Variants in NAV3 observed in about 807,000 individuals in gnomAD.
The protein encoded by NAV3 is pore membrane and/or filament interacting like protein 1.
NAV3 carries 87 observed loss-of-function variants against 244.7 expected under a neutral mutation model. That is an observed-to-expected ratio of 0.36 (90% CI 0.30 to 0.42). NAV3 has a LOEUF of 0.42. Ranked by LOEUF, NAV3 falls within the 20% of genes least tolerant of loss-of-function variation. The pLI is 1.00. For missense variants in NAV3, 2,663 were observed against 2,893.3 expected, an observed-to-expected ratio of 0.92 and a Z score of 1.83; for synonymous variants, 1,126 against 1,042.2, an observed-to-expected ratio of 1.08 and a Z score of -1.55.
At chr12:78,095,916 G>C (rs17224126) in intron 12 of NAV3, among the ~76,000 whole-genome samples, 19,511 of 152,176 alleles carry the variant, frequency 0.13, 1,279 homozygotes, top group African/African-American at 0.14. Flanking sequence ...TCATGGAACT[G>C]TATAAAGGCA....
At chr12:77,998,916 CT>C (rs1464708842) in intron 7 of NAV3, among the ~76,000 whole-genome samples, 10 of 152,202 alleles carry the variant, frequency 6.6e-5, no homozygotes, top group African/African-American at 2.2e-4. Context: ...AGGTTTTTAT[CT>C]TTGCAAGCAG....
At chr12:77,747,643 T>A (rs908853473) in intron 2 of NAV3, among the ~76,000 whole-genome samples, 10 of 152,124 alleles carry the variant, frequency 6.6e-5, no homozygotes, top group African/African-American at 2.2e-4. Flanking sequence ...CAAATGTCCA[T>A]CAATGATAGA....
chr12:78,151,065 A>G (rs2139269810), intron 22 of NAV3, among the ~76,000 whole-genome samples: 1 of 151,694 alleles, frequency 6.6e-6, no homozygotes, highest in East Asian at 1.9e-4. Flanking sequence ...CAATCATTTA[A>G]AAAAAAATAA....
intron 24 of NAV3, among the ~76,000 whole-genome samples, chr12:78,169,590 T>G (rs439000): frequency 0.046 from 6,928 of 151,792 alleles, 190 homozygotes; most frequent in Non-Finnish European, 0.071. Context: ...GCTTAAAAAA[T>G]CCTGTCCTAA....
intron 2 of NAV3, among the ~76,000 whole-genome samples, chr12:77,756,472 A>G (rs1018113956): frequency 1.3e-5 from 2 of 152,120 alleles, no homozygotes; most frequent in Non-Finnish European, 2.9e-5. Flanking sequence ...GTGCTTGGAA[A>G]TGTCTAGATT....
At chr12:77,709,960 C>T (rs953927269) in intron 2 of NAV3, among the ~76,000 whole-genome samples, 9 of 152,154 alleles carry the variant, frequency 5.9e-5, no homozygotes, top group African/African-American at 2.2e-4. Flanking sequence ...CCCAAATGAG[C>T]TATTATGGAA....
At chr12:78,116,620 G>T (rs1345691191) in intron 12 of NAV3, 152 bp from the exon 13 acceptor site, 8 of 829,628 alleles carry the variant, frequency 9.6e-6, no homozygotes, top group Middle Eastern at 2.5e-4. Flanking sequence ...ATATAAATAT[G>T]ATTTTCCCAA....
chr12:77,819,128 G>T (rs965013503), intron 2 of NAV3, among the ~76,000 whole-genome samples: 37 of 152,072 alleles, frequency 2.4e-4, no homozygotes, highest in South Asian at 6.2e-4. Flanking sequence ...GAAGGAAACT[G>T]CTGGATTTTA....
chr12:77,810,058 T>A (rs1296475794), intron 2 of NAV3, among the ~76,000 whole-genome samples: 1 of 152,260 alleles, frequency 6.6e-6, no homozygotes, highest in African/African-American at 2.4e-5. Flanking sequence ...TATTCTTTTG[T>A]TTTCAGTTTA....
intron 1 of NAV3, among the ~76,000 whole-genome samples, chr12:77,879,683 C>A (rs1233770234): frequency 9.3e-5 from 1 of 10,764 alleles, no homozygotes; most frequent in South Asian, 4.6e-3. Flanking sequence ...GAAACTCCAT[C>A]TCAAAAAAAA....
intron 22 of NAV3, among the ~76,000 whole-genome samples, chr12:78,154,320 T>C (rs112058235): frequency 1.3e-5 from 1 of 74,162 alleles, no homozygotes; most frequent in African/African-American, 4.3e-5. Context: ...ATAGTATATA[T>C]ATAGTATATA....
chr12:77,955,204 A>G (rs1318466156), intron 3 of NAV3, among the ~76,000 whole-genome samples: 1 of 152,194 alleles, frequency 6.6e-6, no homozygotes, highest in Non-Finnish European at 1.5e-5. Context: ...GATTTAAATG[A>G]GAGTCAATTC....
chr12:78,016,480 C>G (rs1225015171), intron 8 of NAV3, among the ~76,000 whole-genome samples: 1 of 152,116 alleles, frequency 6.6e-6, no homozygotes, highest in African/African-American at 2.4e-5. Context: ...CTCAACTCCC[C>G]TGAATCGAGT....
chr12:77,621,226 A>G (rs1448547594), intron 2 of NAV3, among the ~76,000 whole-genome samples: 1 of 152,192 alleles, frequency 6.6e-6, no homozygotes, highest in Non-Finnish European at 1.5e-5. Context: ...GTTAAATCCC[A>G]TGGGATAGTT....
At chr12:78,087,230 G>A (rs554122756) in intron 12 of NAV3, among the ~76,000 whole-genome samples, 215 of 152,056 alleles carry the variant, frequency 1.4e-3, no homozygotes, top group African/African-American at 5.1e-3. Context: ...TTTCTTTGCT[G>A]AGCTGCCAAG....
Position 77,687,650 on chromosome 12 carries a change from C to T in NAV3, c.72+115384C>T, listed in dbSNP as rs142362351. Among the ~76,000 whole-genome samples, 7 of 152,116 alleles carry T rather than the reference C, an allele frequency of 4.6e-5. No individual in the cohort carries two copies. The East Asian group carries it at 7.7e-4, about 17-fold the overall frequency. On this transcript the variant is annotated intron_variant, in intron 2 of 8. Transcript: ENST00000550042. ...GAGCAAAAAGAACAGCATATGGAAG[C>T]GTTCTAGCCTAATAAAAAGAGAAAC...
rs545611890 is a variant in NAV3, at chr12:77,623,609, C to T, written c.72+51343C>T. Among the ~76,000 whole-genome samples, 4 of 152,316 alleles carry T rather than the reference C, an allele frequency of 2.6e-5. No individual in the cohort carries two copies. The South Asian group carries it at 8.3e-4, about 32-fold the overall frequency. On this transcript the variant is annotated intron_variant, in intron 2 of 8. Coordinates refer to the NAV3 transcript ENST00000550042. ...ATATTCACAGAAATCTATTTTACCG[C>T]TGCTCAGCATTATTTGGGTCTAGCC... is the stretch of plus-strand genomic sequence containing the variant.
intron 2 of NAV3, among the ~76,000 whole-genome samples, chr12:77,754,763 T>C (rs1225990119): frequency 6.6e-6 from 1 of 152,202 alleles, no homozygotes; most frequent in Non-Finnish European, 1.5e-5. Context: ...TGCGAAACTT[T>C]GCCTGGATGT....
chr12:77,814,031 AG>A (rs1872422054), intron 2 of NAV3, among the ~76,000 whole-genome samples: 2 of 152,130 alleles, frequency 1.3e-5, no homozygotes, highest in African/African-American at 4.8e-5. Context: ...GCAGATCCTC[AG>A]GCTGCACCTC....
Sources: gnomAD v4.1 joint callset for allele counts (sites outside exome capture counted in the v4.1 genomes callset) on GRCh38, gnomAD v4.1.1 for gene constraint, MANE v1.5 for transcripts, NCBI Gene and HGNC (gene_info 2026-07-23, HGNC 2026-07-21) for gene names.